The following SUPT6H variants were observed in gnomAD, a reference collection of about 807,000 sequenced individuals.
SUPT6H encodes the protein transcription elongation factor SPT6.
A neutral mutation model predicts 222.3 loss-of-function variants in SUPT6H; 11 were observed. That is an observed-to-expected ratio of 0.05 (90% CI 0.03 to 0.08). SUPT6H has a LOEUF of 0.08. SUPT6H is among the 10% of genes least tolerant of loss of function. The pLI, the probability that SUPT6H is intolerant of heterozygous loss-of-function variation, is 1.00. For synonymous variants in SUPT6H, 762 were observed against 801.2 expected, an observed-to-expected ratio of 0.95 and a Z score of 0.83; for missense variants, 1,422 against 2,216.0, an observed-to-expected ratio of 0.64 and a Z score of 7.19.
chr17:28,686,313 TCAG>T, intron 19 of SUPT6H, 23 bp from the exon 20 acceptor site: 1 of 1,607,880 alleles, frequency 6.2e-7, no homozygotes, highest in Non-Finnish European at 8.5e-7. Context: ...TCAGAGCCAT[TCAG>T]CTTCAATTTT....
chr17:28,666,414 G>C (rs564660010), intron 1 of SUPT6H, among the ~76,000 whole-genome samples: 1 of 152,330 alleles, frequency 6.6e-6, no homozygotes, highest in Non-Finnish European at 1.5e-5. Context: ...GCTCCTCAAT[G>C]TGTGTACCAC....
At chr17:28,687,608 CAAAA>C in intron 23 of SUPT6H, 137 bp downstream of exon 23, 1 of 1,006,356 alleles carries the variant, frequency 9.9e-7, no homozygotes, top group Non-Finnish European at 1.4e-6. Flanking sequence ...TAGTGAGAGT[CAAAA>C]GAGTCTGACT....
intron 1 of SUPT6H, among the ~76,000 whole-genome samples, chr17:28,668,274 C>G (rs761201899): frequency 4.6e-5 from 7 of 152,214 alleles, no homozygotes; most frequent in Non-Finnish European, 1.0e-4. Context: ...AACATCCAAA[C>G]TACATCAGGC....
chr17:28,674,695 C>T, intron 4 of SUPT6H, 82 bp downstream of exon 4: 1 of 1,313,014 alleles, frequency 7.6e-7, no homozygotes, highest in South Asian at 1.2e-5. Context: ...TGAGGAGGCA[C>T]ACGCAGGACA....
In SUPT6H at chr17:28,689,581, GC is replaced by G; in HGVS notation, c.3342+23del. The G allele has an allele frequency of 1.2e-6, 2 of 1,612,240 alleles. No homozygotes were observed. The highest frequency in any genetic ancestry group is 1.7e-6 in the Non-Finnish European group (2 of 1,179,458). The stretch of plus-strand genomic sequence containing the variant: ...AGGCAGGTAAGGGACAGCATGGAAG[GC>G]CCGGCAGGAGAACCCATCCCAAGTG... On this transcript the variant is annotated intron_variant, in intron 25 of 36. Transcript: ENST00000314616.
chr17:28,691,077 C>T lies in SUPT6H; in HGVS notation c.3633+14C>T, dbSNP rs768033682. Reference sequence around the variant, plus strand: ...GAACTAAGCGAGGTGTGTGCTGCAGCATTATCCTGCTCAGTGGATTTCCTT... The same window carrying T: ...GAACTAAGCGAGGTGTGTGCTGCAGTATTATCCTGCTCAGTGGATTTCCTT... On this transcript the variant is annotated intron_variant, in intron 27 of 36. Transcript: ENST00000314616. 2.6e-5 allele frequency: 42 copies of T among 1,611,164 alleles called. No individual in the cohort carries two copies. The highest frequency in any genetic ancestry group is 3.4e-5 in the Non-Finnish European group (40 of 1,178,760).
At chr17:28,697,569 A>C in intron 30 of SUPT6H, 51 bp from the exon 31 acceptor site, 1 of 1,493,864 alleles carries the variant, frequency 6.7e-7, no homozygotes, top group African/African-American at 1.4e-5. Context: ...GATTTGATCA[A>C]GAATCTCAGC....
intron 27 of SUPT6H, among the ~76,000 whole-genome samples, chr17:28,692,819 G>C (rs1370675476): frequency 1.4e-5 from 2 of 146,910 alleles, no homozygotes; most frequent in Non-Finnish European, 3.0e-5. Context: ...GGCTAACACA[G>C]TGAAACCCCA....
intron 26 of SUPT6H, 26 bp from the exon 27 acceptor site, chr17:28,690,895 T>C (rs1257149447): frequency 6.2e-7 from 1 of 1,608,398 alleles, no homozygotes; most frequent in Non-Finnish European, 8.5e-7. Context: ...CTGAGCCTGC[T>C]CCCCATCCTC....
chr17:28,673,686 A>C (rs951257397), intron 2 of SUPT6H, 176 bp downstream of exon 2: 14 of 586,578 alleles, frequency 2.4e-5, no homozygotes, highest in Admixed American at 1.2e-4. Context: ...TATGCCAGGC[A>C]CTAGGCCTGG....
In SUPT6H at chr17:28,687,405, T is replaced by G. The variant is rs375759067; in HGVS notation, c.2940T>G (p.Pro980=). The change falls in exon 23 of 37, where the codon CCT becomes CCG. Residue 980 remains proline (P), a synonymous_variant. Coordinates refer to ENST00000314616, the MANE Select transcript of SUPT6H (RefSeq NM_003170.5). ...ATGTCAACCGTGCCATTGCCCACCCTTACAGCCAGGCCTTGATCCAGTATG... is the reference window on the plus strand; with the variant it reads ...ATGTCAACCGTGCCATTGCCCACCCGTACAGCCAGGCCTTGATCCAGTATG... ...GVDVNRAIAH[P]YSQALIQYVC... is the part of the protein sequence containing the mutation. The G allele has an allele frequency of 6.2e-7, 1 of 1,614,172 alleles. No individual in the cohort carries two copies. Among genetic ancestry groups the G allele is most frequent in the Non-Finnish European group, 8.5e-7 (1 of 1,180,028 alleles).
At chr17:28,669,221 T>G (rs2030267555) in intron 1 of SUPT6H, among the ~76,000 whole-genome samples, 1 of 152,264 alleles carries the variant, frequency 6.6e-6, no homozygotes, top group Admixed American at 6.5e-5. Flanking sequence ...TTTGTTTGTT[T>G]TGAGACGGAG....
chr17:28,677,577 C>T, intron 7 of SUPT6H, 138 bp from the exon 8 acceptor site: 4 of 683,102 alleles, frequency 5.9e-6, no homozygotes, highest in Non-Finnish European at 1.0e-5. Context: ...CATGCCAGAA[C>T]AACACTGGTA....
intron 13 of SUPT6H, among the ~76,000 whole-genome samples, chr17:28,682,379 A>G (rs2031159255): frequency 6.6e-6 from 1 of 152,102 alleles, no homozygotes; most frequent in Non-Finnish European, 1.5e-5. Context: ...TAATCCCAGC[A>G]CTTCGGAGGT....
intron 35 of SUPT6H, 37 bp downstream of exon 35, chr17:28,700,549 G>A (rs750842742): frequency 1.2e-5 from 19 of 1,600,138 alleles, no homozygotes; most frequent in Admixed American, 3.4e-5. Flanking sequence ...TGTGCAGGGT[G>A]GGGCCCATAG....
intron 25 of SUPT6H, 108 bp from the exon 26 acceptor site, chr17:28,689,974 T>G: frequency 7.3e-7 from 1 of 1,369,710 alleles, no homozygotes; most frequent in South Asian, 1.5e-5. Flanking sequence ...GAAGAAGCCC[T>G]GACAGAAACT....
chr17:28,701,042 C>T lies in SUPT6H; in HGVS notation c.4908C>T (p.His1636=). 1.2e-6 allele frequency: 2 copies of T among 1,614,176 alleles called. No individual in the cohort carries two copies. Among genetic ancestry groups the T allele is most frequent in the Non-Finnish European group, 1.7e-6 (2 of 1,180,008 alleles). ...PSQPITTPQY[H]QLQASTTPQS... is the part of the protein sequence containing the mutation. ...AGCCCATCACCACCCCTCAGTACCA[C>T]CAGCTCCAGGCCAGCACCACCCCAC... Residue 1636 remains histidine, a synonymous_variant, in exon 36 of 37, where the codon CAC becomes CAT. Coordinates refer to ENST00000314616, the MANE Select transcript of SUPT6H (RefSeq NM_003170.5).
intron 29 of SUPT6H, 38 bp from the exon 30 acceptor site, chr17:28,696,806 C>G: frequency 6.3e-7 from 1 of 1,589,554 alleles, no homozygotes; most frequent in South Asian, 1.1e-5. Flanking sequence ...GCTCCTAGCC[C>G]CATCACCCAG....
chr17:28,665,326 G>A (rs888761309), intron 1 of SUPT6H, among the ~76,000 whole-genome samples: 1 of 152,174 alleles, frequency 6.6e-6, no homozygotes, highest in Admixed American at 6.5e-5. Flanking sequence ...GATGAGATGA[G>A]AATATGCATT....
Sources: allele counts gnomAD v4.1 joint callset (sites outside exome capture counted in the v4.1 genomes callset), GRCh38; gene constraint gnomAD v4.1.1; transcripts MANE v1.5; gene names NCBI Gene and HGNC (gene_info 2026-07-23, HGNC 2026-07-21).